Variants in VPS36 observed in about 807,000 individuals in gnomAD.
VPS36 encodes vacuolar protein sorting 36 homolog, also known as vacuolar protein-sorting-associated protein 36.
A neutral mutation model predicts 63.5 loss-of-function variants in VPS36; 31 were observed. The ratio of observed to expected loss-of-function variants is 0.49; its 90% CI spans 0.37 to 0.66. VPS36 has a LOEUF of 0.66. VPS36 is among the 30% of genes least tolerant of loss of function. The pLI is 0.00. For missense variants in VPS36, 338 were observed against 463.7 expected (o/e 0.73, Z 2.49); for synonymous variants, 138 against 157.2 (o/e 0.88, Z 0.91).
At chr13:52,447,856 C>T (rs968289235) in intron 1 of VPS36, among the ~76,000 whole-genome samples, 5 of 151,264 alleles carry the variant, frequency 3.3e-5, no homozygotes, top group African/African-American at 1.2e-4. Context: ...AATCTCGGCT[C>T]ACTGTAGCTC....
intron 1 of VPS36, among the ~76,000 whole-genome samples, chr13:52,447,220 G>T (rs143251091): frequency 4.6e-5 from 7 of 152,110 alleles, no homozygotes; most frequent in Admixed American, 1.3e-4. Flanking sequence ...TGGACATTCA[G>T]ATTGCTTCCA....
intron 1 of VPS36, among the ~76,000 whole-genome samples, chr13:52,446,248 A>C (rs1958342209): frequency 6.6e-6 from 1 of 151,336 alleles, no homozygotes; most frequent in African/African-American, 2.4e-5. Context: ...ACTGAGCAAC[A>C]GAGCGAGATT....
chr13:52,437,302 ACTC>A (rs1273131747), intron 3 of VPS36, among the ~76,000 whole-genome samples: 1 of 152,078 alleles, frequency 6.6e-6, no homozygotes, highest in Non-Finnish European at 1.5e-5. Flanking sequence ...CCTTGTAAGG[ACTC>A]CTCCTATTCC....
Position 52,414,505 on chromosome 13 carries a change from T to A in VPS36, c.*1325A>T. On this transcript the variant is annotated 3_prime_UTR_variant, in exon 14 of 14. Transcript: ENST00000378060. ...TTCAGGCAGAGATAAGGGATTGGGA[T>A]CCCCTGGGTCTGCAGCTGAGGGTCC... 1.3e-5 allele frequency: 2 copies of A among 152,254 alleles called. No homozygotes were observed. The highest frequency in any genetic ancestry group is 2.9e-5 in the Non-Finnish European group (2 of 68,052). The allele number at this position is 152,254 out of a possible 1,614,324, so 9.4% of individuals were successfully genotyped here. A position where few individuals can be genotyped will look rare whatever the true frequency, so the allele number is the denominator to read the frequency against.
At chr13:52,423,705 A>C in intron 9 of VPS36, 66 bp from the exon 10 acceptor site, 1 of 1,393,302 alleles carries the variant, frequency 7.2e-7, no homozygotes, top group Non-Finnish European at 9.9e-7. Context: ...ATTTCTTAAC[A>C]GAAATCATAA....
At chr13:52,442,001 A>C (rs1035929486) in intron 2 of VPS36, among the ~76,000 whole-genome samples, 2 of 152,188 alleles carry the variant, frequency 1.3e-5, no homozygotes, top group African/African-American at 4.8e-5. Flanking sequence ...TATTTAAAAA[A>C]CATGATTCTC....
rs137984139 is a variant in VPS36, at chr13:52,442,087, A to T, written c.165+290T>A. Among the ~76,000 whole-genome samples, 207 of 152,370 alleles carry T rather than the reference A, an allele frequency of 1.4e-3. 1 individual carries two copies. Among genetic ancestry groups the T allele is most frequent in the African/African-American group, 4.7e-3 (195 of 41,596 alleles). ...TAACTCCTGTTTTTGCACTCCATTC[A>T]GAGAAATTACATGGGACACACTCTT... On this transcript the variant is annotated intron_variant, in intron 2 of 13. Transcript: ENST00000378060.
chr13:52,422,529 T>C (rs1200345850), intron 10 of VPS36, among the ~76,000 whole-genome samples: 1 of 152,194 alleles, frequency 6.6e-6, no homozygotes, highest in African/African-American at 2.4e-5. Context: ...CCAATAGTTA[T>C]CTGTTTTGCT....
Position 52,423,558 on chromosome 13 carries a change from A to C in VPS36, c.840+16T>G, listed in dbSNP as rs774379027. On this transcript the variant is annotated intron_variant, in intron 10 of 13. Transcript: ENST00000378060. ...CTACATTTGGTTAAAAGAGTATTTA[A>C]ATTTTCTATCCTTACTTCCATTCCT... 1 of 1,604,698 alleles carries C rather than the reference A, an allele frequency of 6.2e-7. No individual in the cohort carries two copies.
intron 4 of VPS36, 52 bp downstream of exon 4, chr13:52,436,238 C>CAT: frequency 3.2e-6 from 4 of 1,266,460 alleles, no homozygotes; most frequent in Non-Finnish European, 4.5e-6. Context: ...CACACACACA[C>CAT]ACACACACAC....
Position 52,450,550 on chromosome 13 carries a change from C to G in VPS36, c.45G>C (p.Glu15Asp). ...CCCCGCGCTGCTGGATCACCAGGGT[C>G]TCGTTGATCTCCAGGAGGCCGCTGG... ...VWTSGLLEIN[E>D]TLVIQQRGVR... is the part of the protein sequence containing the mutation. Residue 15 changes from glutamate (E) to aspartate (D), a missense_variant, in exon 1 of 14, where the codon GAG becomes GAC. Physicochemically the swap from Glu to Asp is conservative, Grantham distance 45 (BLOSUM62 2). Coordinates refer to ENST00000378060, the MANE Select transcript of VPS36 (RefSeq NM_016075.4). 6.3e-7 allele frequency: 1 copy of G among 1,595,068 alleles called. No homozygotes were observed. Among genetic ancestry groups the G allele is most frequent in the Non-Finnish European group, 8.5e-7 (1 of 1,171,062 alleles).
In VPS36 at chr13:52,427,034, A is replaced by G. The variant is rs2137784377; in HGVS notation, c.594T>C (p.Ile198=). ...CTTGTTTGTCTTTAATTTTATTAGCAATTGATTTTGATAATTCCACCATTT... is the reference window on the plus strand; with the variant it reads ...CTTGTTTGTCTTTAATTTTATTAGCGATTGATTTTGATAATTCCACCATTT... ...AKEMVELSKS[I]ANKIKDKQGD... The change falls in exon 8 of 14, where the codon ATT becomes ATC. Residue 198 remains isoleucine (I), a synonymous_variant. Coordinates refer to ENST00000378060, the MANE Select transcript of VPS36 (RefSeq NM_016075.4). 1.2e-6 allele frequency: 2 copies of G among 1,613,058 alleles called. No individual in the cohort carries two copies. Among genetic ancestry groups the G allele is most frequent in the East Asian group, 2.2e-5 (1 of 44,800 alleles).
At chr13:52,420,008 A>G (rs977524133) in intron 10 of VPS36, among the ~76,000 whole-genome samples, 1 of 152,158 alleles carries the variant, frequency 6.6e-6, no homozygotes, top group South Asian at 2.1e-4. Context: ...TGGGAGGCCA[A>G]GGGGGGTGGA....
At chr13:52,441,309 TG>T (rs957054114) in intron 2 of VPS36, among the ~76,000 whole-genome samples, 3 of 152,142 alleles carry the variant, frequency 2.0e-5, no homozygotes, top group Admixed American at 1.3e-4. Context: ...CACAGGGGTC[TG>T]GGGGAACAAT....
intron 3 of VPS36, among the ~76,000 whole-genome samples, chr13:52,438,776 C>T (rs951682406): frequency 6.6e-6 from 1 of 152,196 alleles, no homozygotes; most frequent in Non-Finnish European, 1.5e-5. Context: ...ACAAGTCAAA[C>T]TTGAGAAACA....
intron 1 of VPS36, chr13:52,449,986 T>C (rs1594127810): frequency 1.0e-6 from 1 of 985,726 alleles, no homozygotes; most frequent in Non-Finnish European, 1.2e-6. Context: ...GATATGCTAA[T>C]CCCTCCGACT....
At chr13:52,419,455 G>A (rs1772385498) in intron 10 of VPS36, among the ~76,000 whole-genome samples, 1 of 152,160 alleles carries the variant, frequency 6.6e-6, no homozygotes, top group African/African-American at 2.4e-5. Flanking sequence ...GTTTCATTCA[G>A]TCCAAGCCCT....
In VPS36 at chr13:52,426,970, A is replaced by G. The variant is rs368560760; in HGVS notation, c.639+19T>C. On this transcript the variant is annotated intron_variant, in intron 8 of 13. Transcript: ENST00000378060. The stretch of plus-strand genomic sequence containing the variant: ...GTGTTATCTAGTTTCAAATGCCTTA[A>G]AAAAAGCAACTTATTTACCTCATCT... 5.1e-5 allele frequency: 82 copies of G among 1,598,050 alleles called. No individual in the cohort carries two copies. The highest frequency in any genetic ancestry group is 1.1e-5 in the South Asian group (1 of 88,352).
chr13:52,432,155 T>C (rs566422816), intron 6 of VPS36, among the ~76,000 whole-genome samples: 1 of 152,138 alleles, frequency 6.6e-6, no homozygotes, highest in East Asian at 1.9e-4. Flanking sequence ...ATTAAGACCA[T>C]CCTGTCTAAC....
Sources: allele counts gnomAD v4.1 joint callset (sites outside exome capture counted in the v4.1 genomes callset), GRCh38; gene constraint gnomAD v4.1.1; transcripts MANE v1.5; gene names NCBI Gene and HGNC (gene_info 2026-07-23, HGNC 2026-07-21).